The following TAF4 variants were observed in gnomAD, a reference collection of about 807,000 sequenced individuals.
The protein encoded by TAF4 is transcription initiation factor TFIID subunit 4.
TAF4 carries 9 observed loss-of-function variants against 90.3 expected under a neutral mutation model. The ratio of observed to expected loss-of-function variants is 0.10; its 90% CI spans 0.06 to 0.17. TAF4 has a LOEUF of 0.17. Among genes scored for constraint, TAF4 ranks in the 10% least tolerant of loss-of-function variants. TAF4 has a pLI of 1.00. For missense variants in TAF4, 1,351 were observed against 1,370.7 expected (o/e 0.99, Z 0.23); for synonymous variants, 818 against 638.9 (o/e 1.28, Z -4.23).
Position 62,064,550 on chromosome 20 carries a change from TG to T in TAF4, c.1260del (p.Ser421AlafsTer7). Reference protein sequence around the residue: ...QSLSRTPTATTSGIRATLTPT... With the variant: ...QSLSRTPTATXSGIRATLTPT... ...GGCGTCAGGGTGGCCCGAATCCCGC[TG>T]GTGGTGGCCGTGGGCGTCCGGGACA... On this transcript the variant is annotated frameshift_variant, in exon 1 of 15. Coordinates refer to ENST00000252996, the MANE Select transcript of TAF4 (RefSeq NM_003185.4). LOFTEE classifies it high-confidence loss of function. 1 of 1,522,752 alleles carries T rather than the reference TG, an allele frequency of 6.6e-7. No homozygotes were observed. The highest frequency in any genetic ancestry group is 2.6e-5 in the East Asian group (1 of 38,382). 94.3% of individuals were successfully genotyped at this position (1,522,752 alleles called of 1,614,324 possible).
At chr20:61,976,436 C>T (rs1180968184) in intron 14 of TAF4, 101 bp from the exon 15 acceptor site, 2 of 1,400,914 alleles carry the variant, frequency 1.4e-6, no homozygotes, top group Non-Finnish European at 2.0e-6. Flanking sequence ...CCAGAGGAGG[C>T]CAGGCCTGGC....
At chr20:62,026,303 G>A (rs982289412) in intron 1 of TAF4, among the ~76,000 whole-genome samples, 1 of 152,158 alleles carries the variant, frequency 6.6e-6, no homozygotes, top group Non-Finnish European at 1.5e-5. Context: ...ACACAGGGAC[G>A]TGAGTGTGCT....
chr20:62,025,804 A>G (rs1295456040), intron 1 of TAF4, among the ~76,000 whole-genome samples: 2 of 152,312 alleles, frequency 1.3e-5, no homozygotes, highest in Non-Finnish European at 2.9e-5. Context: ...TAAAACACAC[A>G]GACTCCCCTG....
chr20:62,012,607 A>G, intron 3 of TAF4: 1 of 618,012 alleles, frequency 1.6e-6, no homozygotes, highest in Non-Finnish European at 2.5e-6. Flanking sequence ...TGACTAAAAA[A>G]AAGAAAAAAG....
chr20:61,988,963 C>T (rs1442965595), intron 14 of TAF4, among the ~76,000 whole-genome samples: 1 of 152,112 alleles, frequency 6.6e-6, no homozygotes, highest in Admixed American at 6.5e-5. Flanking sequence ...CTCCTGGCGC[C>T]GCGACCCCAG....
chr20:62,035,267 A>C (rs2145496890), intron 1 of TAF4, among the ~76,000 whole-genome samples: 1 of 152,366 alleles, frequency 6.6e-6, no homozygotes, highest in East Asian at 1.9e-4. Flanking sequence ...ACAATTCTCA[A>C]AAGCAACAGA....
At chr20:61,993,914 G>A (rs141851246) in intron 14 of TAF4, among the ~76,000 whole-genome samples, 15 of 152,124 alleles carry the variant, frequency 9.9e-5, no homozygotes, top group Admixed American at 2.0e-4. Context: ...CACCACGCCC[G>A]GCTAAATTTT....
At chr20:62,014,261 C>A (rs1020127776) in intron 2 of TAF4, among the ~76,000 whole-genome samples, 1 of 152,126 alleles carries the variant, frequency 6.6e-6, no homozygotes, top group Non-Finnish European at 1.5e-5. Flanking sequence ...GGGGCCAGAG[C>A]GGCCAACCCT....
At chr20:62,061,314 C>G (rs1464190342) in intron 1 of TAF4, among the ~76,000 whole-genome samples, 1 of 152,212 alleles carries the variant, frequency 6.6e-6, no homozygotes, top group Non-Finnish European at 1.5e-5. Flanking sequence ...ATGCTCCAGA[C>G]AGCACCCACA....
At chr20:62,056,668 A>G (rs2056066018) in intron 1 of TAF4, among the ~76,000 whole-genome samples, 1 of 152,200 alleles carries the variant, frequency 6.6e-6, no homozygotes, top group Non-Finnish European at 1.5e-5. Flanking sequence ...GTAATTACAG[A>G]AAAACACAGA....
In TAF4 at chr20:61,987,347, G is replaced by A. The variant is rs532032772; in HGVS notation, c.3090+10203C>T. On this transcript the variant is annotated intron_variant, in intron 14 of 14. Coordinates refer to ENST00000252996, the MANE Select transcript of TAF4 (RefSeq NM_003185.4). ...GGAGCCGAGGAGCCGCGAGGGTCCC[G>A]GGGCAGGAAAGGACGTCGAGGACAC... Among the ~76,000 whole-genome samples the A allele has an allele frequency of 2.2e-4, 33 of 152,262 alleles. 1 individual carries two copies. The highest frequency in any genetic ancestry group is 9.6e-4 in the East Asian group (5 of 5,184).
rs774614943 is a variant in TAF4 at position 62,009,209 on chromosome 20, T to C, written c.1762-35A>G. On this transcript the variant is annotated intron_variant, in intron 4 of 14. Transcript: ENST00000252996. ...AGTAAAAAGATATAAGTGAAAAATCTTAAAAGGCAGATTTTTGTCACAGCC... is the reference window on the plus strand; with the variant it reads ...AGTAAAAAGATATAAGTGAAAAATCCTAAAAGGCAGATTTTTGTCACAGCC... 7 of 1,576,910 alleles carry C rather than the reference T, an allele frequency of 4.4e-6. No homozygotes were observed. The South Asian group carries it at 8.2e-5, about 18-fold the overall frequency.
intron 1 of TAF4, among the ~76,000 whole-genome samples, chr20:62,014,936 C>A (rs2055804263): frequency 6.6e-6 from 1 of 152,192 alleles, no homozygotes; most frequent in South Asian, 2.1e-4. Flanking sequence ...GGCACCTGAG[C>A]CTTCCTTTTA....
At chr20:62,034,222 AT>A (rs1167400283) in intron 1 of TAF4, among the ~76,000 whole-genome samples, 1 of 152,208 alleles carries the variant, frequency 6.6e-6, no homozygotes, top group Non-Finnish European at 1.5e-5. Context: ...CCCTCAAAAA[AT>A]TGCAAATTTT....
chr20:62,022,865 C>G (rs571478803), intron 1 of TAF4, among the ~76,000 whole-genome samples: 53 of 151,980 alleles, frequency 3.5e-4, no homozygotes, highest in African/African-American at 7.7e-4. Flanking sequence ...CTTGCAGCCC[C>G]CCCCCCGCAC....
At chr20:62,009,726 C>G (rs543883436) in intron 4 of TAF4, among the ~76,000 whole-genome samples, 1 of 152,196 alleles carries the variant, frequency 6.6e-6, no homozygotes, top group African/African-American at 2.4e-5. Flanking sequence ...TCGATACAGG[C>G]CGACACTACG....
intron 14 of TAF4, among the ~76,000 whole-genome samples, chr20:61,982,170 C>T (rs1431640185): frequency 1.6e-5 from 2 of 126,238 alleles, no homozygotes; most frequent in African/African-American, 6.0e-5. Context: ...TCACACCCCA[C>T]CCGAGAGGAG....
Position 61,995,343 on chromosome 20 carries a change from T to C in TAF4, c.3090+2207A>G, listed in dbSNP as rs2123116951. Among the ~76,000 whole-genome samples, 3 of 152,292 alleles carry C rather than the reference T, an allele frequency of 2.0e-5. 1 individual carries two copies. The highest frequency in any genetic ancestry group is 6.8e-3 in the Middle Eastern group (2 of 294). On this transcript the variant is annotated intron_variant, in intron 14 of 14. Coordinates refer to ENST00000252996, the MANE Select transcript of TAF4 (RefSeq NM_003185.4). ...GTAAAAAAGAACTAGATGGAAATCT[T>C]AGAATTGCAAAATAAGTTAACAAAA...
At chr20:62,037,921 T>C (rs1433925675) in intron 1 of TAF4, 1 of 203,046 alleles carries the variant, frequency 4.9e-6, no homozygotes, top group African/African-American at 2.3e-5. Flanking sequence ...TGCACGATTT[T>C]GTGGGGATTT....
Sources: allele counts gnomAD v4.1 joint callset (sites outside exome capture counted in the v4.1 genomes callset), GRCh38; gene constraint gnomAD v4.1.1; transcripts MANE v1.5; gene names NCBI Gene and HGNC (gene_info 2026-07-23, HGNC 2026-07-21).